GSK3B: variants seen among roughly 807,000 people sequenced by gnomAD.
GSK3B encodes the protein glycogen synthase kinase 3 beta, also known as glycogen synthase kinase-3 beta.
In GSK3B, 15 loss-of-function variants were observed where a neutral mutation model predicts 56.4. The observed-to-expected ratio is 0.27, with a 90% confidence interval of 0.18 to 0.41. GSK3B has a LOEUF of 0.41. GSK3B is among the 10% of genes least tolerant of loss of function. The pLI, the probability that GSK3B is intolerant of heterozygous loss-of-function variation, is 1.00. For missense variants in GSK3B, 300 were observed against 513.4 expected (o/e 0.58, Z 4.02); for synonymous variants, 181 against 188.9 (o/e 0.96, Z 0.34).
At chr3:119,916,903 C>G (rs989759067) in intron 4 of GSK3B, among the ~76,000 whole-genome samples, 5 of 152,130 alleles carry the variant, frequency 3.3e-5, no homozygotes, top group African/African-American at 1.2e-4. Context: ...AAAAGATACA[C>G]TGAGAAACTG....
At chr3:120,082,709 T>A (rs576078342) in intron 1 of GSK3B, among the ~76,000 whole-genome samples, 2 of 152,188 alleles carry the variant, frequency 1.3e-5, no homozygotes, top group Non-Finnish European at 2.9e-5. Flanking sequence ...ATTAGTATGT[T>A]CTTTAAGTGT....
intron 9 of GSK3B, among the ~76,000 whole-genome samples, chr3:119,862,667 GTTT>G (rs79778347): frequency 0.027 from 3,020 of 110,408 alleles, 33 homozygotes; most frequent in African/African-American, 0.096. Context: ...ACTATTTCTT[GTTT>G]TTTTTTTTTT....
chr3:119,996,253 C>A (rs2057616588), intron 2 of GSK3B, among the ~76,000 whole-genome samples: 1 of 152,218 alleles, frequency 6.6e-6, no homozygotes, highest in Admixed American at 6.5e-5. Flanking sequence ...TATTCTTAAA[C>A]CACTGTCTGT....
intron 1 of GSK3B, among the ~76,000 whole-genome samples, chr3:120,090,340 G>C (rs1698774344): frequency 1.3e-5 from 2 of 151,972 alleles, no homozygotes; most frequent in Admixed American, 6.6e-5. Flanking sequence ...ATTAGAAACT[G>C]TGCAATTAAT....
At chr3:119,871,235 C>T (rs2056246676) in intron 8 of GSK3B, among the ~76,000 whole-genome samples, 1 of 152,262 alleles carries the variant, frequency 6.6e-6, no homozygotes, top group Non-Finnish European at 1.5e-5. Flanking sequence ...ATTCAATTTT[C>T]TGCTTACTCT....
chr3:120,047,475 T>C (rs2058113451), intron 1 of GSK3B, among the ~76,000 whole-genome samples: 1 of 152,158 alleles, frequency 6.6e-6, no homozygotes, highest in Admixed American at 6.5e-5. Context: ...TTCCTTGTCT[T>C]AAAAGTAGTG....
intron 5 of GSK3B, 62 bp from the exon 6 acceptor site, chr3:119,912,872 T>C: frequency 1.4e-6 from 1 of 717,184 alleles, no homozygotes; most frequent in Non-Finnish European, 2.4e-6. Flanking sequence ...TTAAAGAACT[T>C]AGACTGCTAT....
At chr3:120,083,783 G>C (rs71327208) in intron 1 of GSK3B, among the ~76,000 whole-genome samples, 1 of 152,056 alleles carries the variant, frequency 6.6e-6, no homozygotes, top group African/African-American at 2.4e-5. Context: ...TAAACAAATC[G>C]CAGGATTTCC....
chr3:120,065,734 A>G (rs1406762661), intron 1 of GSK3B, among the ~76,000 whole-genome samples: 2 of 152,346 alleles, frequency 1.3e-5, no homozygotes, highest in East Asian at 3.9e-4. Context: ...AATAAACAAA[A>G]TGTAATATAT....
intron 3 of GSK3B, among the ~76,000 whole-genome samples, chr3:119,930,935 G>A (rs1284419150): frequency 1.3e-5 from 2 of 152,210 alleles, no homozygotes; most frequent in African/African-American, 4.8e-5. Context: ...ATGAAAGCAT[G>A]TCTGCTATAG....
intron 1 of GSK3B, among the ~76,000 whole-genome samples, chr3:120,069,350 A>G (rs1343674833): frequency 1.3e-5 from 2 of 152,254 alleles, no homozygotes; most frequent in Non-Finnish European, 2.9e-5. Context: ...CAAAATTGAG[A>G]AGAATAAAAA....
chr3:119,881,165 A>T (rs1025463977), intron 7 of GSK3B, among the ~76,000 whole-genome samples: 9 of 152,232 alleles, frequency 5.9e-5, no homozygotes, highest in African/African-American at 2.2e-4. Flanking sequence ...ACATACCTTT[A>T]TGGATGAATC....
chr3:119,875,039 A>C (rs893224712), intron 8 of GSK3B, among the ~76,000 whole-genome samples: 1 of 152,102 alleles, frequency 6.6e-6, no homozygotes, highest in Non-Finnish European at 1.5e-5. Flanking sequence ...GAATACAAAG[A>C]TCAAAGAACA....
At chr3:120,051,683 C>G (rs1371432005) in intron 1 of GSK3B, among the ~76,000 whole-genome samples, 1 of 151,364 alleles carries the variant, frequency 6.6e-6, no homozygotes, top group African/African-American at 2.4e-5. Flanking sequence ...ACGAGAATCA[C>G]TTGAACCCAA....
At chr3:120,060,007 CCAGG>C (rs2058223317) in intron 1 of GSK3B, among the ~76,000 whole-genome samples, 4 of 152,130 alleles carry the variant, frequency 2.6e-5, no homozygotes, top group African/African-American at 9.7e-5. Flanking sequence ...TTGTTATATG[CCAGG>C]CATTACCCTG....
rs111604910 is a variant in GSK3B, at chr3:119,930,409, T to TA, written c.367-6927dup. Among the ~76,000 whole-genome samples the TA allele has an allele frequency of 2.3e-3, 336 of 147,866 alleles. 1 individual carries two copies. Among genetic ancestry groups the TA allele is most frequent in the Non-Finnish European group, 2.9e-3 (194 of 66,572 alleles). ...TTAACTAACTACAAGCATTCTAGTT[T>TA]AAAAAAAAAAATGTGCTTGTCAAAT... On this transcript the variant is annotated intron_variant, in intron 3 of 10. Coordinates refer to ENST00000264235, the MANE Select transcript of GSK3B (RefSeq NM_001146156.2).
intron 9 of GSK3B, among the ~76,000 whole-genome samples, chr3:119,853,961 A>T (rs1457404975): frequency 1.3e-5 from 2 of 152,188 alleles, no homozygotes; most frequent in African/African-American, 4.8e-5. Context: ...GCTATGTTGA[A>T]TAGGACTGGT....
chr3:119,957,126 T>C (rs548437214), intron 2 of GSK3B, among the ~76,000 whole-genome samples: 9 of 152,356 alleles, frequency 5.9e-5, no homozygotes, highest in Non-Finnish European at 1.0e-4. Context: ...TACATATACA[T>C]AGTGGACTTT....
intron 2 of GSK3B, among the ~76,000 whole-genome samples, chr3:119,962,401 AAAAC>A (rs2057281279): frequency 6.6e-6 from 1 of 151,744 alleles, no homozygotes; most frequent in African/African-American, 2.4e-5. Flanking sequence ...CAAAAACAAA[AAAAC>A]AAAAAAAGCC....
Sources: gnomAD v4.1 joint callset for allele counts (sites outside exome capture counted in the v4.1 genomes callset) on GRCh38, gnomAD v4.1.1 for gene constraint, MANE v1.5 for transcripts, NCBI Gene and HGNC (gene_info 2026-07-23, HGNC 2026-07-21) for gene names.